Variants in MBD5 observed in about 807,000 individuals in gnomAD.
MBD5 encodes methyl-CpG-binding domain protein 5.
MBD5 carries 13 observed loss-of-function variants against 117.3 expected under a neutral mutation model. The ratio of observed to expected loss-of-function variants is 0.11; its 90% confidence interval spans 0.07 to 0.18. MBD5 has a LOEUF of 0.18. MBD5 is among the 10% of genes least tolerant of loss of function. The pLI is 1.00. For synonymous variants in MBD5, 727 were observed against 766.4 expected, an observed-to-expected ratio of 0.95 and a Z score of 0.85; for missense variants, 1,879 against 2,093.8, an observed-to-expected ratio of 0.90 and a Z score of 2.00.
At chr2:148,201,708 G>A (rs773798731) in intron 2 of MBD5, among the ~76,000 whole-genome samples, 1 of 152,246 alleles carries the variant, frequency 6.6e-6, no homozygotes, top group South Asian at 2.1e-4. Context: ...ATTAAGTGAC[G>A]AAACAGCTCT....
intron 4 of MBD5, among the ~76,000 whole-genome samples, chr2:148,366,539 C>T (rs1465148581): frequency 1.3e-5 from 2 of 152,120 alleles, no homozygotes; most frequent in African/African-American, 4.8e-5. Context: ...GTCAACTTGT[C>T]CCTGTTTGCA....
chr2:148,311,260 A>G (rs1046772619), intron 3 of MBD5, among the ~76,000 whole-genome samples: 1 of 152,124 alleles, frequency 6.6e-6, no homozygotes, highest in Admixed American at 6.5e-5. Flanking sequence ...AAAGTCTCCC[A>G]CTATTATTGT....
intron 1 of MBD5, among the ~76,000 whole-genome samples, chr2:148,063,040 T>C (rs1255044380): frequency 6.6e-6 from 1 of 152,136 alleles, no homozygotes; most frequent in Non-Finnish European, 1.5e-5. Flanking sequence ...ACAGTTCACT[T>C]AACCACTTTA....
At chr2:148,149,135 T>G (rs1697561494) in intron 1 of MBD5, among the ~76,000 whole-genome samples, 2 of 144,802 alleles carry the variant, frequency 1.4e-5, no homozygotes, top group Non-Finnish European at 3.0e-5. Flanking sequence ...TTCCCCTTCC[T>G]GTGTCCATGT....
intron 1 of MBD5, among the ~76,000 whole-genome samples, chr2:148,108,102 C>T (rs566077094): frequency 6.6e-6 from 1 of 152,004 alleles, no homozygotes; most frequent in East Asian, 1.9e-4. Context: ...TTCTGTACAG[C>T]CAATTTTCCT....
intron 2 of MBD5, among the ~76,000 whole-genome samples, chr2:148,184,710 G>T (rs983359859): frequency 1.3e-5 from 2 of 152,026 alleles, no homozygotes; most frequent in Non-Finnish European, 2.9e-5. Flanking sequence ...TTGATATGTT[G>T]ACCTGTAAGG....
chr2:148,158,441 T>C (rs140676799), intron 1 of MBD5, among the ~76,000 whole-genome samples: 50 of 152,354 alleles, frequency 3.3e-4, no homozygotes, highest in African/African-American at 1.0e-3. Flanking sequence ...TTAAGACTTT[T>C]GGCCATTTGG....
chr2:148,184,580 G>A (rs1698607387), intron 2 of MBD5, among the ~76,000 whole-genome samples: 1 of 152,022 alleles, frequency 6.6e-6, no homozygotes, highest in African/African-American at 2.4e-5. Flanking sequence ...ATCTCTTTTA[G>A]TATGTTTATT....
intron 1 of MBD5, among the ~76,000 whole-genome samples, chr2:148,085,673 G>C (rs1156704244): frequency 6.6e-6 from 1 of 150,958 alleles, no homozygotes; most frequent in Admixed American, 6.6e-5. Flanking sequence ...GCAGTGAGCC[G>C]AGATCCCGCC....
In MBD5 at chr2:148,469,247, C is replaced by T. The variant is rs768225923; in HGVS notation, c.1304C>T (p.Ser435Phe). 131 of 1,613,890 alleles carry T rather than the reference C, an allele frequency of 8.1e-5. No individual in the cohort carries two copies. The highest frequency in any genetic ancestry group is 1.1e-4 in the Non-Finnish European group (126 of 1,179,958). The change falls in exon 8 of 14, where the codon TCC (serine) becomes TTC (phenylalanine). Residue 435 changes from serine (S) to phenylalanine (F), a missense_variant. Around this residue, in one of 4 missense-constraint regions of MBD5, gnomAD observed 1,666 missense variants for 1,792.2 expected, o/e 0.93. Transcript: ENST00000642680. ...CAGCATTCAGCTTCAACCTCCCTGT[C>T]CCCTTCTCCAGTGACATCCCCCGTG... ...RVQHSASTSL[S>F]PSPVTSPVHM... is the part of the protein sequence containing the mutation.
intron 1 of MBD5, among the ~76,000 whole-genome samples, chr2:148,099,610 T>C (rs1696153660): frequency 6.6e-6 from 1 of 152,088 alleles, no homozygotes; most frequent in Non-Finnish European, 1.5e-5. Flanking sequence ...AAAGGTAAAA[T>C]GAGCTGAGGG....
chr2:148,514,127 A>G lies in MBD5; in HGVS notation c.*1186A>G, dbSNP rs1437813747. The G allele has an allele frequency of 6.6e-6, 1 of 152,188 alleles. No individual in the cohort carries two copies. The highest frequency in any genetic ancestry group is 6.5e-5 in the Admixed American group (1 of 15,274). The allele number at this position is 152,188 out of a possible 1,614,324, so 9.4% of individuals were successfully genotyped here. On this transcript the variant is annotated 3_prime_UTR_variant, in exon 14 of 14. Transcript: ENST00000642680. ...CAGTATTGTGTAACATATCAGATTT[A>G]TTTTATTTAAAGAATTATTTATACC...
intron 1 of MBD5, among the ~76,000 whole-genome samples, chr2:148,050,609 A>G (rs1694670161): frequency 6.6e-6 from 1 of 152,134 alleles, no homozygotes; most frequent in Non-Finnish European, 1.5e-5. Flanking sequence ...TTAATTTAAT[A>G]GATTATTGCC....
intron 2 of MBD5, among the ~76,000 whole-genome samples, chr2:148,232,342 A>G (rs939836070): frequency 1.3e-5 from 2 of 152,204 alleles, no homozygotes; most frequent in Admixed American, 1.3e-4. Flanking sequence ...TGCTCTATAG[A>G]TAATTTTTAA....
At chr2:148,025,440 A>T (rs1442665868) in intron 1 of MBD5, 3 of 152,002 alleles carry the variant, frequency 2.0e-5, no homozygotes, top group African/African-American at 7.2e-5. Flanking sequence ...AACACATTTT[A>T]GACAATGAAA....
intron 1 of MBD5, among the ~76,000 whole-genome samples, chr2:148,129,019 G>T (rs1696971304): frequency 6.6e-6 from 1 of 152,084 alleles, no homozygotes; most frequent in African/African-American, 2.4e-5. Flanking sequence ...TTTATTTTAG[G>T]CTAGCGATTT....
intron 4 of MBD5, among the ~76,000 whole-genome samples, chr2:148,376,784 T>TTA (rs920356649): frequency 3.6e-5 from 5 of 138,848 alleles, no homozygotes; most frequent in Non-Finnish European, 7.7e-5. Flanking sequence ...CTATTATAAT[T>TTA]TATATATATA....
intron 3 of MBD5, among the ~76,000 whole-genome samples, chr2:148,341,179 T>G (rs1702937047): frequency 6.6e-6 from 1 of 152,018 alleles, no homozygotes; most frequent in Admixed American, 6.6e-5. Context: ...ACCCCAATAC[T>G]GTTTTGCCAG....
intron 3 of MBD5, among the ~76,000 whole-genome samples, chr2:148,279,011 C>T (rs1467029792): frequency 6.6e-6 from 1 of 152,138 alleles, no homozygotes; most frequent in Non-Finnish European, 1.5e-5. Context: ...CATATGGTCC[C>T]CCAAGCGATT....
Sources: gnomAD v4.1 joint callset for allele counts (sites outside exome capture counted in the v4.1 genomes callset) on GRCh38, gnomAD v4.1.1 for gene constraint, gnomAD v4.1.1 regional missense constraint, MANE v1.5 for transcripts, NCBI Gene and HGNC (gene_info 2026-07-23, HGNC 2026-07-21) for gene names.